The following CERS3 variants were observed in gnomAD, a reference collection of about 807,000 sequenced individuals.
The protein encoded by CERS3 is ceramide synthase 3, also known as LAG1 homolog, ceramide synthase 3.
In CERS3, 33 loss-of-function variants were observed where a neutral mutation model predicts 50.3. That is an observed-to-expected ratio of 0.66 (90% CI 0.50 to 0.88). CERS3 has a LOEUF of 0.88. CERS3 is among the 40% of genes least tolerant of loss of function. The pLI, the probability that CERS3 is intolerant of heterozygous loss-of-function variation, is 0.00. For missense variants in CERS3, 470 were observed against 460.3 expected, an observed-to-expected ratio of 1.02 and a Z score of -0.19; for synonymous variants, 176 against 155.2, an observed-to-expected ratio of 1.13 and a Z score of -0.99.
chr15:100,441,544 T>G (rs1315233839), intron 11 of CERS3, among the ~76,000 whole-genome samples: 6 of 151,690 alleles, frequency 4.0e-5, no homozygotes, highest in African/African-American at 1.5e-4. Context: ...CCTTCCACCC[T>G]CCATTCCCCC....
At chr15:100,452,249 T>A (rs917162793) in intron 11 of CERS3, among the ~76,000 whole-genome samples, 7 of 152,266 alleles carry the variant, frequency 4.6e-5, no homozygotes, top group Admixed American at 1.3e-4. Flanking sequence ...TCAACAAATT[T>A]AAAAAAACTG....
chr15:100,502,449 T>C (rs978893822), intron 2 of CERS3, among the ~76,000 whole-genome samples: 9 of 152,114 alleles, frequency 5.9e-5, no homozygotes, highest in African/African-American at 2.2e-4. Context: ...TATGTGAATA[T>C]TATGCACGTG....
chr15:100,432,742 A>G (rs1324166198), intron 11 of CERS3, among the ~76,000 whole-genome samples: 1 of 152,144 alleles, frequency 6.6e-6, no homozygotes, highest in East Asian at 1.9e-4. Context: ...GTATGTATTT[A>G]GCCTGCAGAA....
intron 1 of CERS3, among the ~76,000 whole-genome samples, chr15:100,541,259 G>A (rs907124145): frequency 1.6e-4 from 24 of 152,214 alleles, no homozygotes; most frequent in Admixed American, 4.6e-4. Context: ...ATCACCTGAG[G>A]TTGGGAGTTT....
chr15:100,473,566 A>G (rs1185472406), intron 8 of CERS3, among the ~76,000 whole-genome samples: 2 of 152,230 alleles, frequency 1.3e-5, no homozygotes, highest in Non-Finnish European at 2.9e-5. Flanking sequence ...ATCATTAGCC[A>G]TTGGGAGAAT....
At chr15:100,540,475 C>T (rs185433839) in intron 1 of CERS3, among the ~76,000 whole-genome samples, 3 of 152,280 alleles carry the variant, frequency 2.0e-5, no homozygotes, top group African/African-American at 4.8e-5. Context: ...ACCTAGGAGG[C>T]AGAGGTTGCA....
intron 2 of CERS3, among the ~76,000 whole-genome samples, chr15:100,514,937 A>C (rs747508153): frequency 1.6e-4 from 25 of 152,362 alleles, no homozygotes; most frequent in Non-Finnish European, 3.4e-4. Flanking sequence ...AATCAGTGAA[A>C]GCAAATTTTA....
intron 1 of CERS3, among the ~76,000 whole-genome samples, chr15:100,543,060 C>T (rs565581607): frequency 3.9e-4 from 60 of 152,104 alleles, no homozygotes; most frequent in Middle Eastern, 3.4e-3. Context: ...ATTATAGGTG[C>T]CCACCACCAC....
At chr15:100,469,578 C>G in intron 9 of CERS3, 94 bp from the exon 10 acceptor site, 1 of 873,652 alleles carries the variant, frequency 1.1e-6, no homozygotes. Context: ...CTGGGATTTG[C>G]TTCAAAACAA....
In CERS3 at chr15:100,541,141, C is replaced by T. The variant is rs562604238; in HGVS notation, c.-355+3510G>A. On this transcript the variant is annotated intron_variant, in intron 1 of 12. Coordinates refer to the CERS3 transcript ENST00000284382. ...GTCTATCAACAGATCAGCTGAGCTACGTGGCAAGCAGCAAATGCTGGGGTC... is the reference window on the plus strand; with the variant it reads ...GTCTATCAACAGATCAGCTGAGCTATGTGGCAAGCAGCAAATGCTGGGGTC... Among the ~76,000 whole-genome samples the T allele has an allele frequency of 1.4e-4, 21 of 152,170 alleles. No individual in the cohort carries two copies. The East Asian group carries it at 2.1e-3, about 15-fold the overall frequency.
intron 2 of CERS3, among the ~76,000 whole-genome samples, chr15:100,513,373 C>T (rs79545334): frequency 1.2e-4 from 19 of 152,256 alleles, no homozygotes; most frequent in Admixed American, 1.1e-3. Flanking sequence ...CCTCTCCCTG[C>T]ACTCTCCTGT....
At chr15:100,438,193 C>A (rs2033519328) in intron 11 of CERS3, among the ~76,000 whole-genome samples, 1 of 151,392 alleles carries the variant, frequency 6.6e-6, no homozygotes, top group Non-Finnish European at 1.5e-5. Flanking sequence ...TACAGGCCCA[C>A]ACCACCACGC....
intron 4 of CERS3, among the ~76,000 whole-genome samples, chr15:100,485,163 C>T (rs565108918): frequency 1.8e-4 from 27 of 152,312 alleles, no homozygotes; most frequent in Non-Finnish European, 3.5e-4. Flanking sequence ...TGATCTTTCT[C>T]ACAGCTCCAG....
chr15:100,431,839 A>G (rs1425578509), intron 11 of CERS3, among the ~76,000 whole-genome samples: 2 of 152,222 alleles, frequency 1.3e-5, no homozygotes, highest in Non-Finnish European at 1.5e-5. Flanking sequence ...AGTTAGCTGT[A>G]GTCAACATAG....
intron 2 of CERS3, among the ~76,000 whole-genome samples, chr15:100,518,602 A>T (rs1414407671): frequency 6.6e-6 from 1 of 152,258 alleles, no homozygotes; most frequent in Non-Finnish European, 1.5e-5. Context: ...TTCTGTCAAT[A>T]TGCATTTACA....
At chr15:100,505,728 C>T (rs1488500171) in intron 2 of CERS3, among the ~76,000 whole-genome samples, 2 of 152,210 alleles carry the variant, frequency 1.3e-5, no homozygotes, top group Non-Finnish European at 2.9e-5. Context: ...CACAAGCAGG[C>T]TGGGTGTGAT....
chr15:100,489,698 A>G (rs571837417), intron 4 of CERS3, among the ~76,000 whole-genome samples: 1 of 152,328 alleles, frequency 6.6e-6, no homozygotes, highest in South Asian at 2.1e-4. Flanking sequence ...TATTATCACC[A>G]GTGGTAACAA....
At position 100,401,756 on chromosome 15, in the gene CERS3, T is replaced by C. The variant is rs1295756402; in HGVS notation, c.*957A>G. The C allele has an allele frequency of 6.6e-6, 1 of 152,168 alleles. No individual in the cohort carries two copies. 9.4% of individuals were successfully genotyped at this position (152,168 alleles called of 1,614,324 possible). A position where few individuals can be genotyped will look rare whatever the true frequency, so the allele number is the denominator to read the frequency against. On this transcript the variant is annotated 3_prime_UTR_variant, in exon 12 of 12. Transcript: ENST00000679737. ...CCCCCGTGGAGGTCCCCAGGTACTG[T>C]GCTGGCCTGAAGGAAGGGCTCAGGG...
chr15:100,470,127 G>A (rs897900477), intron 9 of CERS3, among the ~76,000 whole-genome samples: 2 of 152,174 alleles, frequency 1.3e-5, no homozygotes, highest in African/African-American at 4.8e-5. Flanking sequence ...ATTGATAAGC[G>A]CTCTCTAGTG....
Sources: gnomAD v4.1 joint callset for allele counts (sites outside exome capture counted in the v4.1 genomes callset) on GRCh38, gnomAD v4.1.1 for gene constraint, MANE v1.5 for transcripts, NCBI Gene and HGNC (gene_info 2026-07-23, HGNC 2026-07-21) for gene names.